NPAS3: variants seen among roughly 807,000 people sequenced by gnomAD.
NPAS3 encodes neuronal PAS domain-containing protein 3.
Under a neutral mutation model 73.1 loss-of-function variants are expected in NPAS3, and 14 were observed. The ratio of observed to expected loss-of-function variants is 0.19; its 90% CI spans 0.13 to 0.30. The LOEUF is 0.30. Ranked by LOEUF, NPAS3 falls within the 10% of genes least tolerant of loss-of-function variation. NPAS3 has a pLI of 1.00. For missense variants in NPAS3, 1,096 were observed against 1,250.0 expected (o/e 0.88, Z 1.86); for synonymous variants, 620 against 541.5 (o/e 1.14, Z -2.01).
chr14:33,345,256 A>G (rs569707183), intron 3 of NPAS3, among the ~76,000 whole-genome samples: 16 of 152,266 alleles, frequency 1.1e-4, no homozygotes, highest in South Asian at 6.2e-4. Flanking sequence ...CTTTTATATA[A>G]TGAAACTTGC....
chr14:33,168,545 C>A (rs1281700832), intron 2 of NPAS3, among the ~76,000 whole-genome samples: 1 of 152,148 alleles, frequency 6.6e-6, no homozygotes, highest in Non-Finnish European at 1.5e-5. Flanking sequence ...GAGCCCCAAG[C>A]CCCTAAAGAT....
At chr14:33,231,789 G>A (rs2047860777) in intron 3 of NPAS3, among the ~76,000 whole-genome samples, 1 of 152,088 alleles carries the variant, frequency 6.6e-6, no homozygotes, top group African/African-American at 2.4e-5. Flanking sequence ...AAGAAGGGGT[G>A]TTCAAAGACT....
In NPAS3 at chr14:33,159,754, C is replaced by T. The variant is rs560064610; in HGVS notation, c.141-55428C>T. Among the ~76,000 whole-genome samples, 15 of 152,102 alleles carry T rather than the reference C, an allele frequency of 9.9e-5. No homozygotes were observed. The South Asian group carries it at 2.1e-3, about 21-fold the overall frequency. On this transcript the variant is annotated intron_variant, in intron 2 of 11. Coordinates refer to ENST00000356141, the Ensembl canonical transcript of NPAS3. ...ATTTTGAGTAGAGACGGGGTTTCAC[C>T]GTGTTAGCCAGGATGGTCTCAATGT...
intron 5 of NPAS3, among the ~76,000 whole-genome samples, chr14:33,644,026 T>C (rs2140197538): frequency 6.6e-6 from 1 of 152,338 alleles, no homozygotes; most frequent in Middle Eastern, 3.4e-3. Flanking sequence ...CATGCAAATT[T>C]ATCACAAGAC....
Position 33,467,387 on chromosome 14 carries a change from A to G in NPAS3, c.469-92734A>G, listed in dbSNP as rs551185659. On this transcript the variant is annotated intron_variant, in intron 4 of 11. Coordinates refer to ENST00000356141, the Ensembl canonical transcript of NPAS3. ...CTTTGGGGGAAGTAGATGGAAAACA[A>G]TCTAGTTGTAATTAAAGTTGAGGTC... Among the ~76,000 whole-genome samples, 21 of 152,322 alleles carry G rather than the reference A, an allele frequency of 1.4e-4. No individual in the cohort carries two copies. The South Asian group carries it at 2.9e-3, about 21-fold the overall frequency.
At chr14:33,358,449 A>G (rs2140377701) in intron 3 of NPAS3, among the ~76,000 whole-genome samples, 1 of 152,228 alleles carries the variant, frequency 6.6e-6, no homozygotes, top group Admixed American at 6.5e-5. Flanking sequence ...ATCTGTAGCT[A>G]CGTTAACATG....
At chr14:33,588,884 G>C (rs537889609) in intron 5 of NPAS3, among the ~76,000 whole-genome samples, 23 of 152,214 alleles carry the variant, frequency 1.5e-4, no homozygotes, top group African/African-American at 5.5e-4. Context: ...GCCTCCCAAA[G>C]TTCTAGAATT....
chr14:33,624,022 C>G (rs528420442), intron 5 of NPAS3, among the ~76,000 whole-genome samples: 1 of 152,192 alleles, frequency 6.6e-6, no homozygotes, highest in East Asian at 1.9e-4. Flanking sequence ...TAACATGCTC[C>G]GTGAAGTTTC....
intron 2 of NPAS3, among the ~76,000 whole-genome samples, chr14:33,149,728 C>A (rs2044376792): frequency 6.6e-6 from 1 of 152,218 alleles, no homozygotes. Flanking sequence ...TTCAGGACTG[C>A]AAATATACCT....
intron 3 of NPAS3, among the ~76,000 whole-genome samples, chr14:33,362,136 A>G (rs1187352310): frequency 1.3e-5 from 2 of 152,172 alleles, no homozygotes; most frequent in African/African-American, 4.8e-5. Flanking sequence ...TCATGTTGCT[A>G]TATGGGTTAA....
At chr14:33,540,282 T>C (rs1216188634) in intron 4 of NPAS3, among the ~76,000 whole-genome samples, 3 of 152,202 alleles carry the variant, frequency 2.0e-5, no homozygotes, top group Admixed American at 6.5e-5. Flanking sequence ...TTATCAGTAA[T>C]GGAAACATTG....
intron 5 of NPAS3, among the ~76,000 whole-genome samples, chr14:33,592,390 C>T (rs182088415): frequency 2.9e-4 from 44 of 152,218 alleles, no homozygotes; most frequent in Non-Finnish European, 2.5e-4. Flanking sequence ...ATTGGAGAAA[C>T]AAGACACAAA....
At chr14:33,676,101 GACCTGAATGTATTTTCTTTTCTACTCAGA>G (rs1376702247) in intron 5 of NPAS3, 81 bp from the exon 6 acceptor site, 1 of 1,042,060 alleles carries the variant, frequency 9.6e-7, no homozygotes, top group African/African-American at 1.7e-5. Flanking sequence ...TTGTTTCTGG[GACCTGAATGTATTTTCTTTTCTACTCAGA>G]ATCTGAATCA....
intron 1 of NPAS3, among the ~76,000 whole-genome samples, chr14:33,025,881 A>C (rs2039784461): frequency 6.6e-6 from 1 of 152,174 alleles, no homozygotes. Flanking sequence ...TTTCTTTATA[A>C]ATTACCCAGT....
intron 4 of NPAS3, among the ~76,000 whole-genome samples, chr14:33,525,091 G>T (rs577657771): frequency 7.9e-5 from 12 of 152,256 alleles, no homozygotes; most frequent in Non-Finnish European, 1.3e-4. Context: ...TCAAGGCATA[G>T]TAATTGGTTT....
At chr14:33,490,641 G>A (rs1251445298) in intron 4 of NPAS3, among the ~76,000 whole-genome samples, 1 of 152,092 alleles carries the variant, frequency 6.6e-6, no homozygotes, top group African/African-American at 2.4e-5. Context: ...AAAATGGAAG[G>A]GCATGCACAT....
intron 1 of NPAS3, among the ~76,000 whole-genome samples, chr14:32,996,904 C>T (rs1429418637): frequency 3.3e-5 from 5 of 152,110 alleles, no homozygotes; most frequent in African/African-American, 9.7e-5. Context: ...ATCCTCCAGA[C>T]GCCGGAATGG....
chr14:33,342,634 A>T (rs2044540341), intron 3 of NPAS3, among the ~76,000 whole-genome samples: 1 of 152,224 alleles, frequency 6.6e-6, no homozygotes, highest in Admixed American at 6.5e-5. Flanking sequence ...GTTTGCACTT[A>T]ATGTATTAAC....
At chr14:33,296,983 C>G (rs968904830) in intron 3 of NPAS3, among the ~76,000 whole-genome samples, 1 of 152,132 alleles carries the variant, frequency 6.6e-6, no homozygotes, top group Admixed American at 6.5e-5. Context: ...TAAATCGCAT[C>G]CTTTTCTTTC....
Sources: gnomAD v4.1 joint callset for allele counts (sites outside exome capture counted in the v4.1 genomes callset) on GRCh38, gnomAD v4.1.1 for gene constraint, MANE v1.5 for transcripts, NCBI Gene and HGNC (gene_info 2026-07-23, HGNC 2026-07-21) for gene names.